Variants in USP42 observed in about 807,000 individuals in gnomAD.
USP42 encodes ubiquitin specific peptidase 42.
In USP42, 23 loss-of-function variants were observed where a neutral mutation model predicts 113.0. That is an observed-to-expected ratio of 0.20 (90% confidence interval 0.15 to 0.29). The LOEUF (loss-of-function observed/expected upper bound fraction) is 0.29. Among genes scored for constraint, USP42 ranks in the 10% least tolerant of loss-of-function variants. The probability of loss-of-function intolerance (pLI) is 1.00; values close to 1 mark genes in which losing one functional copy is unlikely to be tolerated. For synonymous variants in USP42, 933 were observed against 699.0 expected (o/e 1.33, Z -5.28); for missense variants, 2,174 against 1,779.8 (o/e 1.22, Z -3.99).
At chr7:6,116,772 C>T (rs1364372068) in intron 3 of USP42, 2 of 532,620 alleles carry the variant, frequency 3.8e-6, no homozygotes, top group African/African-American at 3.9e-5. Context: ...GTTCTGTTTG[C>T]CCTCATTTTC....
chr7:6,145,932 T>G (rs1351202389), intron 10 of USP42, among the ~76,000 whole-genome samples: 1 of 152,086 alleles, frequency 6.6e-6, no homozygotes, highest in African/African-American at 2.4e-5. Context: ...TATCTGCGTG[T>G]GGTGGCACCT....
intron 3 of USP42, among the ~76,000 whole-genome samples, chr7:6,123,339 A>G (rs761812317): frequency 5.9e-5 from 9 of 152,036 alleles, no homozygotes; most frequent in Non-Finnish European, 8.8e-5. Flanking sequence ...CCTGAGCTAC[A>G]TAGTGAGACC....
chr7:6,148,568 G>A (rs1187902515), intron 12 of USP42, among the ~76,000 whole-genome samples: 2 of 152,330 alleles, frequency 1.3e-5, no homozygotes, highest in South Asian at 2.1e-4. Context: ...TTTCAGGGGT[G>A]TGGTGTTTCT....
intron 7 of USP42, 82 bp downstream of exon 7, chr7:6,141,066 A>G (rs1267063021): frequency 7.5e-6 from 5 of 670,500 alleles, no homozygotes; most frequent in Non-Finnish European, 9.9e-6. Flanking sequence ...AATTTAGACT[A>G]CTTGTTAGAG....
Position 6,149,788 on chromosome 7 carries a change from C to T in USP42, c.1592C>T (p.Pro531Leu). ...KITISIHNKL[P>L]VRQCQSQPNL... ...ACAATCAGTATTCACAACAAGTTGC[C>T]TGTTCGCCAGTGTCAGTCTCAACCT... Residue 531 changes from proline to leucine, a missense_variant, in exon 13 of 18, where the codon CCT becomes CTT. Coordinates refer to ENST00000306177, the MANE Select transcript of USP42 (RefSeq NM_032172.3). The T allele has an allele frequency of 6.2e-7, 1 of 1,614,058 alleles. No homozygotes were observed. The highest frequency in any genetic ancestry group is 8.5e-7 in the Non-Finnish European group (1 of 1,179,904).
the USP42 span, among the ~76,000 whole-genome samples, chr7:6,088,100 G>C: frequency 6.6e-6 from 1 of 150,846 alleles, no homozygotes; most frequent in Admixed American, 6.6e-5. Context: ...AGGAGTTCGA[G>C]ACCCACCTGG....
intron 1 of USP42, among the ~76,000 whole-genome samples, chr7:6,110,104 A>C (rs1164077932): frequency 1.3e-5 from 2 of 150,036 alleles, no homozygotes; most frequent in African/African-American, 4.9e-5. Flanking sequence ...AAGGTGCTGC[A>C]ATTATAGGCA....
intron 17 of USP42, 89 bp from the exon 18 acceptor site, chr7:6,160,466 T>C (rs2128531292): frequency 6.6e-6 from 1 of 152,044 alleles, no homozygotes; most frequent in East Asian, 2.0e-4. Flanking sequence ...TCCCCAGCCT[T>C]CGGGAGCAGC....
Position 6,159,981 on chromosome 7 carries a change from AG to A in USP42, c.*36+490del, listed in dbSNP as rs1184337973. On this transcript the variant is annotated intron_variant, in intron 17 of 17. Transcript: ENST00000306177. The surrounding 1 kb of genome is among the most constrained non-coding windows in gnomAD (Gnocchi z 4.1). ...CCCAGCAGCCACCGTACAAAACCAT[AG>A]GAAGGTGGCCCAGGGCCGGGCGGCA... is the stretch of plus-strand genomic sequence containing the variant. 6.6e-6 allele frequency among the ~76,000 whole-genome samples: 1 copy of A among 152,212 alleles called. No homozygotes were observed. Among genetic ancestry groups the A allele is most frequent in the Non-Finnish European group, 1.5e-5 (1 of 68,034 alleles).
Position 6,126,436 on chromosome 7 carries a change from C to G in USP42, c.443-9405C>G, listed in dbSNP as rs185040818. 8.1e-4 allele frequency among the ~76,000 whole-genome samples: 124 copies of G among 152,288 alleles called. 1 individual carries two copies. The highest frequency in any genetic ancestry group is 2.9e-3 in the African/African-American group (120 of 41,560). On this transcript the variant is annotated intron_variant, in intron 3 of 17. Transcript: ENST00000306177. ...AGTAGCTGGGACTACAGGTGCCCAC[C>G]ACCACGCCTGGCTAATTTTTTTTGT...
the USP42 span, among the ~76,000 whole-genome samples, chr7:6,090,347 T>C: frequency 1.7e-5 from 2 of 120,684 alleles, no homozygotes; most frequent in Non-Finnish European, 3.3e-5. Flanking sequence ...TATATATATA[T>C]TTATATATAT....
rs1268913843 is a variant in USP42 at position 6,105,499 on chromosome 7, C to A, written c.-10+467C>A. On this transcript the variant is annotated intron_variant, in intron 1 of 17. Transcript: ENST00000306177. ...CGCCCCCCGCGTGGCTGCCACCTCC[C>A]GCCCCGGAGCCCCCTCAGAGCCCCG... 3.4e-5 allele frequency among the ~76,000 whole-genome samples: 5 copies of A among 149,090 alleles called. 1 individual carries two copies. In the South Asian group the frequency reaches 1.0e-3, roughly 31 times the overall value.
intron 10 of USP42, 87 bp from the exon 11 acceptor site, chr7:6,146,061 C>CA (rs1383560800): frequency 8.7e-4 from 934 of 1,068,614 alleles, no homozygotes; most frequent in Middle Eastern, 1.1e-3. Flanking sequence ...GACTCCATCT[C>CA]AAAAAAAAAG....
At position 6,159,569 on chromosome 7, in the gene USP42, T is replaced by A. The variant is rs2128529691; in HGVS notation, c.*36+76T>A. The A allele has an allele frequency of 2.1e-6, 3 of 1,441,804 alleles. No homozygotes were observed. The highest frequency in any genetic ancestry group is 2.9e-6 in the Non-Finnish European group (3 of 1,034,566). 89.3% of individuals were successfully genotyped at this position (1,441,804 alleles called of 1,614,324 possible). ...GACGCAGGCAGAGGAGTTTTAATTC[T>A]GCGGCTCTGCCTGGGGGCTGGGCTC... On this transcript the variant is annotated intron_variant, in intron 17 of 17. Coordinates refer to ENST00000306177, the MANE Select transcript of USP42 (RefSeq NM_032172.3). The surrounding 1 kb of genome is among the most constrained non-coding windows in gnomAD (Gnocchi z 4.1).
chr7:6,098,874 C>T, the USP42 span, among the ~76,000 whole-genome samples: 3 of 149,940 alleles, frequency 2.0e-5, no homozygotes, highest in Admixed American at 6.6e-5. Context: ...AGGGTACCTA[C>T]CTCATTTGAG....
intron 3 of USP42, among the ~76,000 whole-genome samples, chr7:6,120,911 A>G (rs1217881232): frequency 6.6e-6 from 1 of 152,324 alleles, no homozygotes; most frequent in East Asian, 1.9e-4. Context: ...TAACTATTAC[A>G]AAGGGTATTT....
chr7:6,144,766 A>C (rs1781615568), intron 9 of USP42, among the ~76,000 whole-genome samples: 1 of 151,916 alleles, frequency 6.6e-6, no homozygotes, highest in Non-Finnish European at 1.5e-5. Context: ...GCTACTCGGG[A>C]GGCTGAGGCA....
the USP42 span, among the ~76,000 whole-genome samples, chr7:6,093,483 AT>A: frequency 6.6e-6 from 1 of 150,584 alleles, no homozygotes; most frequent in Non-Finnish European, 1.5e-5. Context: ...AACCAAAACC[AT>A]GTTGGCCAGG....
At chr7:6,127,231 C>G (rs1780590563) in intron 3 of USP42, among the ~76,000 whole-genome samples, 1 of 152,148 alleles carries the variant, frequency 6.6e-6, no homozygotes, top group African/African-American at 2.4e-5. Flanking sequence ...TGTTTTCTCC[C>G]CATCTGTAGC....
Sources: allele counts gnomAD v4.1 joint callset (sites outside exome capture counted in the v4.1 genomes callset), GRCh38; gene constraint gnomAD v4.1.1; non-coding constraint Gnocchi (gnomAD v3.1); transcripts MANE v1.5; gene names NCBI Gene and HGNC (gene_info 2026-07-23, HGNC 2026-07-21).